WASF3: variants seen among roughly 807,000 people sequenced by gnomAD.
WASF3 encodes actin-binding protein WASF3.
WASF3 carries 11 observed loss-of-function variants against 46.6 expected under a neutral mutation model. That is an observed-to-expected ratio of 0.24 (90% CI 0.15 to 0.39). WASF3 has a LOEUF of 0.39. Among genes scored for constraint, WASF3 ranks in the 10% least tolerant of loss-of-function variants. The pLI is 1.00. For synonymous variants in WASF3, 242 were observed against 259.7 expected (o/e 0.93, Z 0.65); for missense variants, 576 against 669.8 (o/e 0.86, Z 1.55).
chr13:26,660,557 G>C (rs985899596), intron 3 of WASF3, among the ~76,000 whole-genome samples: 7 of 152,078 alleles, frequency 4.6e-5, no homozygotes, highest in Non-Finnish European at 8.8e-5. Context: ...AATGGGGAAA[G>C]GGGCGAGGAC....
At chr13:26,563,707 C>T (rs565943701) in intron 1 of WASF3, among the ~76,000 whole-genome samples, 89 of 148,326 alleles carry the variant, frequency 6.0e-4, no homozygotes, top group African/African-American at 1.9e-3. Context: ...TAGATTTCAG[C>T]CTTAATCTTT....
At chr13:26,587,102 C>CAAAAAAA (rs57542558) in intron 1 of WASF3, among the ~76,000 whole-genome samples, 1 of 64,288 alleles carries the variant, frequency 1.6e-5, no homozygotes, top group Non-Finnish European at 2.8e-5. Context: ...GACCCTGCCT[C>CAAAAAAA]AAAAAAAAAA....
chr13:26,549,349 T>A, the WASF3 span, among the ~76,000 whole-genome samples: 1 of 152,216 alleles, frequency 6.6e-6, no homozygotes, highest in Non-Finnish European at 1.5e-5. Flanking sequence ...TGCCTTTCCA[T>A]GCTGTGGGGT....
intron 1 of WASF3, among the ~76,000 whole-genome samples, chr13:26,595,178 G>A (rs1042170454): frequency 3.9e-5 from 6 of 152,180 alleles, no homozygotes; most frequent in African/African-American, 7.2e-5. Flanking sequence ...CAGGAGGAAC[G>A]TACTTTGACT....
chr13:26,612,767 A>G (rs1026854613), intron 1 of WASF3, among the ~76,000 whole-genome samples, 194 bp from the exon 2 acceptor site: 4 of 152,112 alleles, frequency 2.6e-5, no homozygotes, highest in Non-Finnish European at 4.4e-5. Context: ...GAGGTTTTTC[A>G]GGATAGGGGG....
chr13:26,592,533 T>C (rs2137186069), intron 1 of WASF3, among the ~76,000 whole-genome samples: 1 of 152,056 alleles, frequency 6.6e-6, no homozygotes, highest in Non-Finnish European at 1.5e-5. Context: ...CAGATGGCCT[T>C]TCTTCTGAGT....
chr13:26,674,135 A>C (rs950564052), intron 6 of WASF3, among the ~76,000 whole-genome samples: 2 of 152,054 alleles, frequency 1.3e-5, no homozygotes, highest in African/African-American at 4.8e-5. Context: ...ATATTCTTTC[A>C]TGTTTGGTTC....
chr13:26,580,455 A>G (rs1879943084), intron 1 of WASF3, among the ~76,000 whole-genome samples: 1 of 152,188 alleles, frequency 6.6e-6, no homozygotes, highest in Non-Finnish European at 1.5e-5. Context: ...CTCGACAAGC[A>G]TTAGATTAAT....
intron 3 of WASF3, among the ~76,000 whole-genome samples, chr13:26,655,244 T>C (rs562207493): frequency 3.5e-4 from 54 of 152,300 alleles, no homozygotes; most frequent in African/African-American, 1.2e-3. Context: ...CTTGACACTT[T>C]TATGACCTTG....
At chr13:26,593,922 G>A (rs1880378489) in intron 1 of WASF3, among the ~76,000 whole-genome samples, 1 of 152,082 alleles carries the variant, frequency 6.6e-6, no homozygotes, top group African/African-American at 2.4e-5. Flanking sequence ...TGATTTAGTT[G>A]CTTCTGTGTT....
chr13:26,602,007 G>A (rs1204245085), intron 1 of WASF3, among the ~76,000 whole-genome samples: 1 of 152,186 alleles, frequency 6.6e-6, no homozygotes. Flanking sequence ...GTTATTAAAT[G>A]CCTCTGCTAC....
At chr13:26,613,458 C>A (rs1402353873) in intron 2 of WASF3, among the ~76,000 whole-genome samples, 6 of 152,072 alleles carry the variant, frequency 3.9e-5, no homozygotes, top group African/African-American at 1.4e-4. Context: ...TATGAGAAGT[C>A]AAGATTTAAA....
At chr13:26,666,327 C>T (rs1355284039) in intron 4 of WASF3, among the ~76,000 whole-genome samples, 1 of 152,070 alleles carries the variant, frequency 6.6e-6, no homozygotes, top group Non-Finnish European at 1.5e-5. Context: ...TAAACCTTAC[C>T]CTAGAAAAGA....
At chr13:26,583,409 G>A (rs1880040770) in intron 1 of WASF3, among the ~76,000 whole-genome samples, 1 of 152,112 alleles carries the variant, frequency 6.6e-6, no homozygotes, top group Non-Finnish European at 1.5e-5. Flanking sequence ...CTCCTATAGT[G>A]TTTATTATTT....
chr13:26,610,233 T>A (rs528382580), intron 1 of WASF3, among the ~76,000 whole-genome samples: 8 of 152,220 alleles, frequency 5.3e-5, no homozygotes, highest in Non-Finnish European at 1.0e-4. Context: ...TAGGTCTTCA[T>A]CACCTGTCTT....
Position 26,667,628 on chromosome 13 carries a change from A to C in WASF3, c.380A>C (p.Gln127Pro). The change falls in exon 5 of 10, where the codon CAG becomes CCG. Residue 127 changes from glutamine to proline, a missense_variant. Gln to Pro is a moderately conservative substitution (Grantham distance 76, BLOSUM62 -1). Coordinates refer to ENST00000335327, the MANE Select transcript of WASF3 (RefSeq NM_006646.6). ...IPNPVADIYN[Q>P]SDKPPPLNIL... is the part of the protein sequence containing the mutation. ...AATCCTGTTGCTGATATTTACAACC[A>C]GAGTGATAAGCCACCGCCTCTGAAC... The C allele has an allele frequency of 6.2e-7, 1 of 1,614,164 alleles. No homozygotes were observed. The highest frequency in any genetic ancestry group is 8.5e-7 in the Non-Finnish European group (1 of 1,180,024).
chr13:26,593,287 G>C (rs1205808051), intron 1 of WASF3, among the ~76,000 whole-genome samples: 4 of 152,168 alleles, frequency 2.6e-5, no homozygotes, highest in Non-Finnish European at 5.9e-5. Context: ...TTCCCTCAGC[G>C]TACTGCTTGC....
chr13:26,607,042 T>C (rs1298687163), intron 1 of WASF3, among the ~76,000 whole-genome samples: 1 of 152,232 alleles, frequency 6.6e-6, no homozygotes, highest in Non-Finnish European at 1.5e-5. Context: ...ATGTGCCTAA[T>C]TTATAAAATA....
chr13:26,562,254 A>T lies in WASF3; in HGVS notation c.-109+4435A>T, dbSNP rs866182228. 9.2e-5 allele frequency among the ~76,000 whole-genome samples: 14 copies of T among 152,266 alleles called. No homozygotes were observed. In the South Asian group the frequency reaches 2.5e-3, roughly 27 times the overall value. On this transcript the variant is annotated intron_variant, in intron 1 of 9. Transcript: ENST00000335327. Reference sequence around the variant, plus strand: ...ACTCTTGTGTTTGAAAGGGAAGCAGATAATAGGCTCCCACACTGGGACTAA... The same window carrying T: ...ACTCTTGTGTTTGAAAGGGAAGCAGTTAATAGGCTCCCACACTGGGACTAA...
Sources: gnomAD v4.1 joint callset for allele counts (sites outside exome capture counted in the v4.1 genomes callset) on GRCh38, gnomAD v4.1.1 for gene constraint, MANE v1.5 for transcripts, NCBI Gene and HGNC (gene_info 2026-07-23, HGNC 2026-07-21) for gene names.